Variants in SLC12A4 observed in about 807,000 individuals in gnomAD.
The protein encoded by SLC12A4 is solute carrier family 12 member 4.
Under a neutral mutation model 119.2 loss-of-function variants are expected in SLC12A4, and 84 were observed. The observed-to-expected ratio is 0.70, with a 90% confidence interval of 0.59 to 0.85. The LOEUF (loss-of-function observed/expected upper bound fraction) is 0.85. SLC12A4 is among the 40% of genes least tolerant of loss of function. SLC12A4 has a pLI of 0.00. For missense variants in SLC12A4, 1,298 were observed against 1,476.3 expected (o/e 0.88, Z 1.98); for synonymous variants, 599 against 604.6 (o/e 0.99, Z 0.14).
intron 17 of SLC12A4, 104 bp from the exon 18 acceptor site, chr16:67,946,737 G>T: frequency 7.3e-7 from 1 of 1,378,372 alleles, no homozygotes; most frequent in Non-Finnish European, 9.9e-7. Flanking sequence ...GTGGAGGAGG[G>T]CCTGGGGGCA....
Position 67,945,796 on chromosome 16 carries a change from T to A in SLC12A4, c.2815A>T (p.Met939Leu). 1 of 1,613,822 alleles carries A rather than the reference T, an allele frequency of 6.2e-7. No individual in the cohort carries two copies. The highest frequency in any genetic ancestry group is 8.5e-7 in the Non-Finnish European group (1 of 1,180,030). ...MEQRSQMLRQ[M>L]RLTKTERERE... ...TCCCGCTCAGTCTTGGTCAGTCTCA[T>A]CTGCCGCAGCATCTGCGACCGCTGC... is the stretch of plus-strand genomic sequence containing the variant. The change falls in exon 21 of 24, where the codon ATG (methionine) becomes TTG (leucine). Residue 939 changes from methionine to leucine, a missense_variant. Physicochemically the swap from Met to Leu is conservative, Grantham distance 15. Transcript: ENST00000316341.
chr16:67,965,726 C>T (rs1366697714), intron 1 of SLC12A4, among the ~76,000 whole-genome samples: 5 of 152,214 alleles, frequency 3.3e-5, no homozygotes, highest in Admixed American at 2.0e-4. Context: ...TCCTCTAAGA[C>T]CTAGCCTATC....
intron 4 of SLC12A4, 36 bp downstream of exon 4, chr16:67,957,862 A>C (rs201500942): frequency 1.2e-5 from 19 of 1,613,968 alleles, no homozygotes; most frequent in Non-Finnish European, 1.4e-5. Context: ...GCCGTGGCCC[A>C]TGCCCAGCCC....
chr16:67,964,051 A>C, intron 1 of SLC12A4: 3 of 1,550,134 alleles, frequency 1.9e-6, no homozygotes, highest in Non-Finnish European at 2.6e-6. Context: ...CCGGCTGGCT[A>C]CCCCACCATG....
At chr16:67,958,579 C>T (rs1373989229) in intron 3 of SLC12A4, among the ~76,000 whole-genome samples, 2 of 152,128 alleles carry the variant, frequency 1.3e-5, no homozygotes, top group Admixed American at 6.6e-5. Flanking sequence ...CACTCCAGCC[C>T]ACTCTGCTGC....
Position 67,950,016 on chromosome 16 carries a change from TG to T in SLC12A4, c.1630-99del. Reference sequence around the variant, plus strand: ...CCTCCCTCACCCCCAGGGCCCGCCTTGGGGGCTCAGGCCGCCCCTGTGTCTA... The same window carrying T: ...CCTCCCTCACCCCCAGGGCCCGCCTTGGGGCTCAGGCCGCCCCTGTGTCTA... On this transcript the variant is annotated intron_variant, in intron 12 of 23. Coordinates refer to ENST00000316341, the MANE Select transcript of SLC12A4 (RefSeq NM_005072.5). The surrounding 1 kb of genome is among the most constrained non-coding windows in gnomAD (Gnocchi z 4.3). 1 of 973,616 alleles carries T rather than the reference TG, an allele frequency of 1.0e-6. No homozygotes were observed. The highest frequency in any genetic ancestry group is 1.6e-6 in the Non-Finnish European group (1 of 623,910). The allele number at this position is 973,616 out of a possible 1,614,324, so 60.3% of individuals were successfully genotyped here. A position where few individuals can be genotyped will look rare whatever the true frequency, so the allele number is the denominator to read the frequency against.
In SLC12A4 at chr16:67,968,367, G is replaced by A. The variant is rs1424299771; in HGVS notation, c.115+72C>T. The A allele has an allele frequency of 3.0e-6, 4 of 1,349,960 alleles. No individual in the cohort carries two copies. In the African/African-American group the frequency reaches 6.1e-5, roughly 21 times the overall value. The allele number at this position is 1,349,960 out of a possible 1,614,324, so 83.6% of individuals were successfully genotyped here. The stretch of plus-strand genomic sequence containing the variant: ...GCAAGGTCCCGGGATAGGTGCGGGC[G>A]CGGGCCCGGGATGGCGGCCCCGGGT... On this transcript the variant is annotated intron_variant, in intron 1 of 23. Coordinates refer to ENST00000316341, the MANE Select transcript of SLC12A4 (RefSeq NM_005072.5).
At position 67,961,659 on chromosome 16, in the gene SLC12A4, G is replaced by A. The variant is rs751685233; in HGVS notation, c.258C>T (p.Leu86=). The part of the protein sequence containing the change: ...RPKVSSLLGK[L]VSYTNLTQGA... ...CCTGGGTGAGGTTGGTGTAGCTGACGAGCTTTCCCAGAAGAGACGATACCT... is the reference window on the plus strand; with the variant it reads ...CCTGGGTGAGGTTGGTGTAGCTGACAAGCTTTCCCAGAAGAGACGATACCT... Residue 86 remains leucine (L), a synonymous_variant, in exon 3 of 24, where the codon CTC becomes CTT. Coordinates refer to ENST00000316341, the MANE Select transcript of SLC12A4 (RefSeq NM_005072.5). The A allele has an allele frequency of 6.2e-6, 10 of 1,614,050 alleles. No homozygotes were observed. The highest frequency in any genetic ancestry group is 3.3e-5 in the Admixed American group (2 of 60,008).
At position 67,964,458 on chromosome 16, in the gene SLC12A4, A is replaced by T. The variant is rs145215459; in HGVS notation, c.116-899T>A. 6.2e-3 allele frequency among the ~76,000 whole-genome samples: 946 copies of T among 151,804 alleles called. 13 individuals carry two copies. Among genetic ancestry groups the T allele is most frequent in the African/African-American group, 0.022 (902 of 41,342 alleles). ...CCCTGTTTTCCAACTCTTGTCCCTTATGAGTCTCGGTGGGTGCCATTCCCA... is the reference window on the plus strand; with the variant it reads ...CCCTGTTTTCCAACTCTTGTCCCTTTTGAGTCTCGGTGGGTGCCATTCCCA... On this transcript the variant is annotated intron_variant, in intron 1 of 23. Coordinates refer to ENST00000316341, the MANE Select transcript of SLC12A4 (RefSeq NM_005072.5).
Position 67,944,067 on chromosome 16 carries a change from G to A in SLC12A4, c.*773C>T, listed in dbSNP as rs560140762. On this transcript the variant is annotated 3_prime_UTR_variant, in exon 24 of 24. Transcript: ENST00000316341. The surrounding 1 kb of genome is among the most constrained non-coding windows in gnomAD (Gnocchi z 6.6). ...AGGGAGCAGCAGCCCCAGCAGCAGC[G>A]TCACCCACTGCCATGGGGAGCCGGG... 1.3e-4 allele frequency: 197 copies of A among 1,548,190 alleles called. 1 individual carries two copies. The Middle Eastern group carries it at 4.1e-3, about 32-fold the overall frequency.
chr16:67,963,908 C>T (rs1461587036), intron 1 of SLC12A4: 1 of 1,551,184 alleles, frequency 6.4e-7, no homozygotes, highest in Middle Eastern at 1.7e-4. Flanking sequence ...GCCCCAGTCC[C>T]TTTCCCGGTC....
chr16:67,946,059 GC>G lies in SLC12A4; in HGVS notation c.2630del (p.Arg877ProfsTer15). The G allele has an allele frequency of 6.2e-7, 1 of 1,613,972 alleles. No homozygotes were observed. The highest frequency in any genetic ancestry group is 8.5e-7 in the Non-Finnish European group (1 of 1,179,998). On this transcript the variant is annotated frameshift_variant, in exon 20 of 24. Transcript: ENST00000316341. LOFTEE classifies it high-confidence loss of function. ...CATCCATCTGGGCCACTGTGAAGAT[GC>G]GCATCCGGCACTTCCTCCAGACCTG... is the stretch of plus-strand genomic sequence containing the variant. Reference protein sequence around the residue: ...QHKVWRKCRMRIFTVAQMDDN... With the variant: ...QHKVWRKCRMXIFTVAQMDDN...
rs1598206637 is a variant in SLC12A4, at chr16:67,944,774, C to T, written c.*66G>A. On this transcript the variant is annotated 3_prime_UTR_variant, in exon 24 of 24. Coordinates refer to ENST00000316341, the MANE Select transcript of SLC12A4 (RefSeq NM_005072.5). The surrounding 1 kb of genome is among the most constrained non-coding windows in gnomAD (Gnocchi z 6.6). Reference sequence around the variant, plus strand: ...GGTGGGTGCTGGGAAGAGGCTGTTACCCCAGACCACAGCTTGTTATGTCCT... The same window carrying T: ...GGTGGGTGCTGGGAAGAGGCTGTTATCCCAGACCACAGCTTGTTATGTCCT... 2 of 1,579,790 alleles carry T rather than the reference C, an allele frequency of 1.3e-6. No homozygotes were observed. The highest frequency in any genetic ancestry group is 2.3e-5 in the East Asian group (1 of 43,156).
chr16:67,947,253 G>C, intron 16 of SLC12A4, 78 bp downstream of exon 16: 1 of 1,509,306 alleles, frequency 6.6e-7, no homozygotes, highest in Non-Finnish European at 9.0e-7. Flanking sequence ...ATGGGGAGCC[G>C]GCACCTCTCG....
At chr16:67,960,940 C>T (rs1349137639) in intron 3 of SLC12A4, among the ~76,000 whole-genome samples, 1 of 152,060 alleles carries the variant, frequency 6.6e-6, no homozygotes, top group Non-Finnish European at 1.5e-5. Context: ...TTGGAGGCTT[C>T]TGCCAATAGA....
Position 67,948,138 on chromosome 16 carries a change from CAGGT to C in SLC12A4, c.1766_1769del (p.Tyr589CysfsTer3), listed in dbSNP as rs761092770. ...GCACCGCACAGGCGAGGTTCACGAA[CAGGT>C]AGCACATCAGAAAGAACCTGCGGCA... On this transcript the variant is annotated frameshift_variant, in exon 14 of 24. Transcript: ENST00000316341. LOFTEE classifies it high-confidence loss of function. 1 of 1,613,246 alleles carries C rather than the reference CAGGT, an allele frequency of 6.2e-7. No homozygotes were observed. The highest frequency in any genetic ancestry group is 1.7e-5 in the Admixed American group (1 of 60,022).
Position 67,952,375 on chromosome 16 carries a change from G to C in SLC12A4, c.726C>G (p.Asp242Glu). 2 of 1,614,162 alleles carry C rather than the reference G, an allele frequency of 1.2e-6. No homozygotes were observed. Among genetic ancestry groups the C allele is most frequent in the Non-Finnish European group, 1.7e-6 (2 of 1,179,998 alleles). The change falls in exon 7 of 24, where the codon GAC becomes GAG. Residue 242 changes from aspartate (D) to glutamate (E), a missense_variant. By Grantham distance (45) the Asp-to-Glu change is conservative. Transcript: ENST00000316341. ...TATTGTTCAAAGTGGCATTCGACGT[G>C]TCATGAGCACCCGATGGGTAAAAAA... ...AAIFYPSGAH[D>E]TSNATLNNMR...
intron 17 of SLC12A4, 112 bp from the exon 18 acceptor site, chr16:67,946,745 G>T: frequency 7.6e-7 from 1 of 1,320,550 alleles, no homozygotes; most frequent in Non-Finnish European, 1.0e-6. Context: ...GGGCCTGGGG[G>T]CAACAAGCTG....
chr16:67,957,487 C>G, intron 5 of SLC12A4: 1 of 490,874 alleles, frequency 2.0e-6, no homozygotes, highest in Non-Finnish European at 3.7e-6. Flanking sequence ...CACTTTCAAA[C>G]CCTCTTACAG....
Sources: gnomAD v4.1 joint callset for allele counts (sites outside exome capture counted in the v4.1 genomes callset) on GRCh38, gnomAD v4.1.1 for gene constraint, Gnocchi (gnomAD v3.1) non-coding constraint, MANE v1.5 for transcripts, NCBI Gene and HGNC (gene_info 2026-07-23, HGNC 2026-07-21) for gene names.